The following GPD2 variants were observed in gnomAD, a reference collection of about 807,000 sequenced individuals.
GPD2 encodes the protein glycerol-3-phosphate dehydrogenase, mitochondrial.
Under a neutral mutation model 82.4 loss-of-function variants are expected in GPD2, and 54 were observed. That is an observed-to-expected ratio of 0.66 (90% confidence interval 0.53 to 0.82). GPD2 has a LOEUF of 0.82. Ranked by LOEUF, GPD2 falls within the 40% of genes least tolerant of loss-of-function variation. The probability of loss-of-function intolerance (pLI) is 0.00; values close to 1 mark genes in which losing one functional copy is unlikely to be tolerated. For missense variants in GPD2, 748 were observed against 896.2 expected, an observed-to-expected ratio of 0.83 and a Z score of 2.11; for synonymous variants, 288 against 306.1, an observed-to-expected ratio of 0.94 and a Z score of 0.62.
chr2:156,526,126 G>A (rs981863353), intron 6 of GPD2, among the ~76,000 whole-genome samples: 2 of 152,062 alleles, frequency 1.3e-5, no homozygotes, highest in Non-Finnish European at 2.9e-5. Context: ...TTAAAAGCAG[G>A]GACCAACTTT....
At chr2:156,415,032 G>T in the GPD2 span, among the ~76,000 whole-genome samples, 1 of 151,880 alleles carries the variant, frequency 6.6e-6, no homozygotes, top group African/African-American at 2.4e-5. Context: ...TTCTTTAGTG[G>T]TGATTTCTGA....
intron 1 of GPD2, among the ~76,000 whole-genome samples, chr2:156,445,503 C>A (rs944474746): frequency 4.6e-5 from 7 of 152,206 alleles, no homozygotes; most frequent in Non-Finnish European, 7.3e-5. Flanking sequence ...TAGTTGCATA[C>A]ATAGCACAGC....
intron 1 of GPD2, among the ~76,000 whole-genome samples, chr2:156,437,743 G>T (rs1682003004): frequency 6.6e-6 from 1 of 152,162 alleles, no homozygotes. Context: ...CAGCATTAGA[G>T]CTCTGCTTCC....
At position 156,584,541 on chromosome 2, in the gene GPD2, A is replaced by G. The variant is rs1020637619; in HGVS notation, c.*1623A>G. On this transcript the variant is annotated 3_prime_UTR_variant, in exon 17 of 17. Coordinates refer to ENST00000438166, the MANE Select transcript of GPD2 (RefSeq NM_000408.5). The stretch of plus-strand genomic sequence containing the variant: ...CCCACCACCTCTGAAAGAAACAGAA[A>G]CTGCAGAGAAAGACAGCATCTTAGC... 8.5e-5 allele frequency: 13 copies of G among 152,434 alleles called. No individual in the cohort carries two copies. Among genetic ancestry groups the G allele is most frequent in the African/African-American group, 2.9e-4 (12 of 41,408 alleles). 9.4% of individuals were successfully genotyped at this position (152,434 alleles called of 1,614,324 possible).
chr2:156,519,395 T>C (rs953191609), intron 6 of GPD2, among the ~76,000 whole-genome samples: 1 of 152,136 alleles, frequency 6.6e-6, no homozygotes, highest in Non-Finnish European at 1.5e-5. Context: ...GCTGAAAACA[T>C]AAAAACAAAG....
At chr2:156,422,727 GA>G in the GPD2 span, among the ~76,000 whole-genome samples, 10 of 136,710 alleles carry the variant, frequency 7.3e-5, no homozygotes, top group South Asian at 4.7e-4. Flanking sequence ...GTGAGACTCA[GA>G]AAAAAAAAAC....
Position 156,578,912 on chromosome 2 carries a change from G to A in GPD2, c.1791G>A (p.Lys597=). The A allele has an allele frequency of 1.2e-6, 2 of 1,605,994 alleles. No homozygotes were observed. The highest frequency in any genetic ancestry group is 1.7e-6 in the Non-Finnish European group (2 of 1,173,078). ...KKQEQLETAR[K]FLYYEMGYKS... ...AGGAACAACTTGAAACAGCCAGGAAGTTTCTATATTATGAAATGGGCTATA... is the reference window on the plus strand; with the variant it reads ...AGGAACAACTTGAAACAGCCAGGAAATTTCTATATTATGAAATGGGCTATA... Residue 597 remains lysine (K), a synonymous_variant, in exon 14 of 17, where the codon AAG becomes AAA. Transcript: ENST00000438166.
chr2:156,516,528 C>A (rs1685201696), intron 6 of GPD2, among the ~76,000 whole-genome samples: 1 of 152,204 alleles, frequency 6.6e-6, no homozygotes, highest in African/African-American at 2.4e-5. Context: ...AGCCTCTAAT[C>A]TCCGGGGCTC....
rs1286826626 is a variant in GPD2 at position 156,583,250 on chromosome 2, A to G, written c.*332A>G. ...TATTCTAAATGAGTTCTAAAAACAT[A>G]ATATTTTGGCAAAAATTGAAAAAAG... On this transcript the variant is annotated 3_prime_UTR_variant, in exon 17 of 17. Transcript: ENST00000438166. 2 of 319,598 alleles carry G rather than the reference A, an allele frequency of 6.3e-6. No individual in the cohort carries two copies. The highest frequency in any genetic ancestry group is 1.2e-5 in the Non-Finnish European group (2 of 164,482). 19.8% of individuals were successfully genotyped at this position (319,598 alleles called of 1,614,324 possible).
intron 6 of GPD2, among the ~76,000 whole-genome samples, chr2:156,518,063 A>G (rs2105282440): frequency 6.6e-6 from 1 of 152,326 alleles, no homozygotes; most frequent in African/African-American, 2.4e-5. Flanking sequence ...GCCTTTTCCT[A>G]ATGTAAATAA....
At chr2:156,497,893 G>A (rs1354934039) in intron 3 of GPD2, among the ~76,000 whole-genome samples, 1 of 152,174 alleles carries the variant, frequency 6.6e-6, no homozygotes, top group Non-Finnish European at 1.5e-5. Flanking sequence ...CCTAAAGGAA[G>A]AACAGTTTGA....
At chr2:156,428,154 T>C in the GPD2 span, among the ~76,000 whole-genome samples, 3 of 152,186 alleles carry the variant, frequency 2.0e-5, no homozygotes, top group South Asian at 4.1e-4. Context: ...TGAATAACTT[T>C]GGGGAGGCCA....
the GPD2 span, among the ~76,000 whole-genome samples, chr2:156,422,916 G>A: frequency 6.6e-6 from 1 of 152,150 alleles, no homozygotes; most frequent in Non-Finnish European, 1.5e-5. Flanking sequence ...CACTGATGTG[G>A]TCTAAGTGCT....
chr2:156,449,811 G>A (rs1285995333), intron 1 of GPD2, among the ~76,000 whole-genome samples: 4 of 126,218 alleles, frequency 3.2e-5, no homozygotes, highest in African/African-American at 1.1e-4. Context: ...AGGAGTTCGA[G>A]ACCAGCCTGG....
chr2:156,567,232 T>C (rs1036342140), intron 9 of GPD2, among the ~76,000 whole-genome samples: 1 of 152,106 alleles, frequency 6.6e-6, no homozygotes, highest in Non-Finnish European at 1.5e-5. Context: ...TTTTTTCTTT[T>C]GTTGCCTGTG....
At chr2:156,475,975 T>C (rs550672236) in intron 1 of GPD2, 123 bp from the exon 2 acceptor site, 3 of 664,862 alleles carry the variant, frequency 4.5e-6, no homozygotes, top group Non-Finnish European at 8.1e-6. Flanking sequence ...AGTAATTTCC[T>C]TATTTTATGT....
At chr2:156,578,017 C>CGT (rs140248659) in intron 13 of GPD2, among the ~76,000 whole-genome samples, 9 of 151,324 alleles carry the variant, frequency 5.9e-5, no homozygotes, top group South Asian at 2.1e-4. Flanking sequence ...TATATGTGTG[C>CGT]GTGTGTGTGT....
chr2:156,560,436 G>T (rs915608754), intron 9 of GPD2, among the ~76,000 whole-genome samples: 1 of 152,118 alleles, frequency 6.6e-6, no homozygotes, highest in Admixed American at 6.6e-5. Flanking sequence ...TGCAAACCAG[G>T]TCTTCCTCCT....
chr2:156,481,463 C>T (rs1382676320), intron 2 of GPD2, among the ~76,000 whole-genome samples: 6 of 143,596 alleles, frequency 4.2e-5, no homozygotes, highest in African/African-American at 1.5e-4. Flanking sequence ...TCCCCCTCCC[C>T]TCCCCTTTCC....
Sources: allele counts gnomAD v4.1 joint callset (sites outside exome capture counted in the v4.1 genomes callset), GRCh38; gene constraint gnomAD v4.1.1; transcripts MANE v1.5; gene names NCBI Gene and HGNC (gene_info 2026-07-23, HGNC 2026-07-21).